Variants in CDH18 observed in about 807,000 individuals in gnomAD.
The protein encoded by CDH18 is cadherin-18.
CDH18 carries 31 observed loss-of-function variants against 67.9 expected under a neutral mutation model. That is an observed-to-expected ratio of 0.46 (90% CI 0.34 to 0.62). The LOEUF (loss-of-function observed/expected upper bound fraction) is 0.62. Ranked by LOEUF, CDH18 falls within the 20% of genes least tolerant of loss-of-function variation. The pLI, the probability that CDH18 is intolerant of heterozygous loss-of-function variation, is 0.01. For missense variants in CDH18, 890 were observed against 975.5 expected (o/e 0.91, Z 1.17); for synonymous variants, 362 against 347.2 (o/e 1.04, Z -0.48).
At chr5:19,610,501 AAGAG>A (rs897052415) in intron 6 of CDH18, among the ~76,000 whole-genome samples, 1 of 149,018 alleles carries the variant, frequency 6.7e-6, no homozygotes, top group African/African-American at 2.4e-5. Context: ...AATGGAGAAA[AAGAG>A]AGAGTGGGAG....
At chr5:19,728,995 T>C (rs999675702) in intron 4 of CDH18, among the ~76,000 whole-genome samples, 16 of 152,180 alleles carry the variant, frequency 1.1e-4, no homozygotes, top group Admixed American at 1.3e-4. Context: ...TTAACTCAAG[T>C]CACTGAATTG....
intron 2 of CDH18, among the ~76,000 whole-genome samples, chr5:19,873,582 T>C (rs1035001531): frequency 2.6e-5 from 4 of 152,210 alleles, no homozygotes; most frequent in Admixed American, 1.3e-4. Context: ...TTGAAGCCTT[T>C]GGAAACCTAA....
rs144820667 is a variant in CDH18 at position 20,473,063 on chromosome 5, G to C, written c.-580+102399C>G. ...CATTAATATTACAGTTTTACAGTAA[G>C]GAATATAAACATGAATGTACTAAGT... On this transcript the variant is annotated intron_variant, in intron 1 of 14. Coordinates refer to the CDH18 transcript ENST00000507958. Among the ~76,000 whole-genome samples, 1,506 of 152,096 alleles carry C rather than the reference G, an allele frequency of 9.9e-3. 21 individuals carry two copies. The highest frequency in any genetic ancestry group is 0.034 in the African/African-American group (1,417 of 41,506).
intron 1 of CDH18, among the ~76,000 whole-genome samples, chr5:20,376,924 G>A (rs543857274): frequency 6.6e-6 from 1 of 152,110 alleles, no homozygotes; most frequent in East Asian, 1.9e-4. Context: ...GGCTGAGGCA[G>A]GAGAATTGCT....
intron 3 of CDH18, among the ~76,000 whole-genome samples, chr5:19,818,966 T>C (rs1779576466): frequency 6.6e-6 from 1 of 152,080 alleles, no homozygotes; most frequent in African/African-American, 2.4e-5. Flanking sequence ...ATGAGATATA[T>C]CCCTCCGCTA....
chr5:19,511,376 C>T (rs72743575), intron 10 of CDH18, among the ~76,000 whole-genome samples: 2,182 of 152,054 alleles, frequency 0.014, 19 homozygotes, highest in Middle Eastern at 0.037. Context: ...ACAAAGATAC[C>T]AAAAAATGTG....
intron 5 of CDH18, among the ~76,000 whole-genome samples, chr5:19,715,621 T>C (rs1765250543): frequency 6.6e-6 from 1 of 152,166 alleles, no homozygotes; most frequent in Non-Finnish European, 1.5e-5. Context: ...AAAAGATTTC[T>C]AGAAAATGTT....
intron 3 of CDH18, among the ~76,000 whole-genome samples, chr5:19,820,927 A>T (rs1277554361): frequency 6.6e-6 from 1 of 152,218 alleles, no homozygotes; most frequent in African/African-American, 2.4e-5. Context: ...AACAGGAAAA[A>T]AAATAAAAAT....
intron 6 of CDH18, among the ~76,000 whole-genome samples, chr5:19,596,666 G>A (rs1344770336): frequency 6.6e-6 from 1 of 152,128 alleles, no homozygotes; most frequent in Non-Finnish European, 1.5e-5. Context: ...AAAGACTCAC[G>A]GCCCAGAAAA....
intron 1 of CDH18, among the ~76,000 whole-genome samples, chr5:20,285,249 T>G (rs1158540960): frequency 6.6e-6 from 1 of 151,298 alleles, no homozygotes; most frequent in Admixed American, 6.6e-5. Flanking sequence ...TTATAACAGA[T>G]AAAATTTATT....
intron 6 of CDH18, among the ~76,000 whole-genome samples, chr5:19,593,454 T>C (rs544103087): frequency 1.3e-5 from 2 of 152,100 alleles, no homozygotes; most frequent in African/African-American, 2.4e-5. Flanking sequence ...CTATTGTCCA[T>C]TTGTATGTGT....
At chr5:20,029,423 T>C (rs572840375) in intron 2 of CDH18, among the ~76,000 whole-genome samples, 3 of 152,316 alleles carry the variant, frequency 2.0e-5, no homozygotes, top group East Asian at 1.9e-4. Flanking sequence ...CCTTGTAACA[T>C]TCTCATTAGA....
In CDH18 at chr5:19,557,898, G is replaced by A. The variant is rs190099294; in HGVS notation, c.1253+13681C>T. 3.9e-3 allele frequency among the ~76,000 whole-genome samples: 596 copies of A among 151,974 alleles called. 1 individual carries two copies. The highest frequency in any genetic ancestry group is 6.4e-3 in the Non-Finnish European group (433 of 67,870). ...AAGAGAGACAATATGATAGGCCACA[G>A]TACAATTCTCAACAAATTTAAGAAA... is the stretch of plus-strand genomic sequence containing the variant. On this transcript the variant is annotated intron_variant, in intron 8 of 12. Transcript: ENST00000382275.
intron 2 of CDH18, among the ~76,000 whole-genome samples, chr5:20,127,579 G>A (rs1748937864): frequency 6.6e-6 from 1 of 152,080 alleles, no homozygotes; most frequent in East Asian, 1.9e-4. Context: ...TATACTAAGT[G>A]AAATGAGCCA....
At chr5:20,555,678 C>G (rs1340493725) in intron 1 of CDH18, among the ~76,000 whole-genome samples, 1 of 151,690 alleles carries the variant, frequency 6.6e-6, no homozygotes, top group African/African-American at 2.4e-5. Flanking sequence ...CTGTTTTGAG[C>G]ACTCAGATTG....
intron 5 of CDH18, among the ~76,000 whole-genome samples, chr5:19,615,208 G>A (rs1163092033): frequency 6.6e-6 from 1 of 151,820 alleles, no homozygotes; most frequent in African/African-American, 2.4e-5. Context: ...CATGTGCTTA[G>A]CTATGACCCC....
intron 8 of CDH18, among the ~76,000 whole-genome samples, chr5:19,550,852 A>G (rs1484499491): frequency 6.6e-6 from 1 of 152,132 alleles, no homozygotes; most frequent in Non-Finnish European, 1.5e-5. Context: ...GACTTCCACA[A>G]TGGTTGAACT....
At chr5:20,243,156 C>G (rs540977694) in intron 2 of CDH18, among the ~76,000 whole-genome samples, 6 of 151,780 alleles carry the variant, frequency 4.0e-5, no homozygotes, top group Non-Finnish European at 8.8e-5. Flanking sequence ...AGTCTCTCTT[C>G]TAGTTAGATA....
chr5:20,089,159 G>T (rs1745221016), intron 2 of CDH18, among the ~76,000 whole-genome samples: 1 of 151,994 alleles, frequency 6.6e-6, no homozygotes, highest in Non-Finnish European at 1.5e-5. Flanking sequence ...AAATTTTGCA[G>T]CCATGTTTAT....
Sources: gnomAD v4.1 joint callset for allele counts (sites outside exome capture counted in the v4.1 genomes callset) on GRCh38, gnomAD v4.1.1 for gene constraint, MANE v1.5 for transcripts, NCBI Gene and HGNC (gene_info 2026-07-23, HGNC 2026-07-21) for gene names.